Variants in SYNE3 observed in about 807,000 individuals in gnomAD.
SYNE3 encodes the protein nesprin-3.
SYNE3 carries 100 observed loss-of-function variants against 111.2 expected under a neutral mutation model. The observed-to-expected ratio is 0.90, with a 90% CI of 0.77 to 1.06. The LOEUF (loss-of-function observed/expected upper bound fraction) is 1.06, where lower values mean the gene tolerates loss of function less well. SYNE3 is among the 50% of genes least tolerant of loss of function. The pLI, the probability that SYNE3 is intolerant of heterozygous loss-of-function variation, is 0.00. For synonymous variants in SYNE3, 547 were observed against 533.9 expected (o/e 1.02, Z -0.34); for missense variants, 1,160 against 1,240.3 (o/e 0.94, Z 0.97).
At chr14:95,430,760 G>T (rs1885713726) in intron 17 of SYNE3, among the ~76,000 whole-genome samples, 1 of 150,954 alleles carries the variant, frequency 6.6e-6, no homozygotes, top group Non-Finnish European at 1.5e-5. Flanking sequence ...GGAGGCAGAG[G>T]TTGCAGTGAG....
chr14:95,444,636 G>C lies in SYNE3; in HGVS notation c.1633-8C>G, dbSNP rs202009724. The C allele has an allele frequency of 6.8e-7, 1 of 1,479,420 alleles. No homozygotes were observed. Among genetic ancestry groups the C allele is most frequent in the Non-Finnish European group, 9.2e-7 (1 of 1,082,090 alleles). The allele number at this position is 1,479,420 out of a possible 1,614,324, so 91.6% of individuals were successfully genotyped here. On this transcript the variant is annotated splice_region_variant and splice_polypyrimidine_tract_variant and intron_variant, in intron 9 of 17. Coordinates refer to ENST00000682763, the MANE Select transcript of SYNE3 (RefSeq NM_152592.6). ...GTGCTGAGCGAGCAGGCTCTGCAGA[G>C]ACACAGGACAGTGTGCACATTAAGA...
chr14:95,474,643 T>C (rs553507934), intron 2 of SYNE3, among the ~76,000 whole-genome samples: 1 of 152,314 alleles, frequency 6.6e-6, no homozygotes, highest in South Asian at 2.1e-4. Context: ...GCGGTGACAC[T>C]GAAATCAAAC....
intron 1 of SYNE3, among the ~76,000 whole-genome samples, chr14:95,476,154 C>T (rs1566678887): frequency 6.6e-6 from 1 of 152,236 alleles, no homozygotes. Context: ...ATTCAGATTG[C>T]ACGCTCTCCA....
At chr14:95,448,119 A>T (rs1052559352) in intron 8 of SYNE3, among the ~76,000 whole-genome samples, 1 of 152,270 alleles carries the variant, frequency 6.6e-6, no homozygotes, top group African/African-American at 2.4e-5. Context: ...ATATACAATT[A>T]TAGAACTTGA....
rs141467861 is a variant in SYNE3, at chr14:95,508,474, A to C, written c.-15+8122T>G. On this transcript the variant is annotated intron_variant, in intron 1 of 17. Transcript: ENST00000682763. ...CTTATCTTCTTCTGGTACAGAAGACAGACAATACACTCAACTGCAAATAAT... is the reference window on the plus strand; with the variant it reads ...CTTATCTTCTTCTGGTACAGAAGACCGACAATACACTCAACTGCAAATAAT... Among the ~76,000 whole-genome samples the C allele has an allele frequency of 2.8e-3, 430 of 152,342 alleles. 3 individuals are homozygous for C. Among genetic ancestry groups the C allele is most frequent in the African/African-American group, 9.4e-3 (390 of 41,574 alleles).
Position 95,500,653 on chromosome 14 carries a change from A to ATGATTC in SYNE3, c.-15+15942_-15+15943insGAATCA. Among the ~76,000 whole-genome samples, 1 of 152,080 alleles carries ATGATTC rather than the reference A, an allele frequency of 6.6e-6. No individual in the cohort carries two copies. The highest frequency in any genetic ancestry group is 2.1e-4 in the South Asian group (1 of 4,828). On this transcript the variant is annotated intron_variant, in intron 1 of 17. Transcript: ENST00000682763. This position sits in a 1 kb window ranked among gnomAD's most constrained non-coding sequence, Gnocchi z 4.7. Reference sequence around the variant, plus strand: ...TGCAGCACTTGGAAGCTGAGCAACCACCTTCATGATTCCCGCTGATCCTCT... The same window carrying ATGATTC: ...TGCAGCACTTGGAAGCTGAGCAACCATGATTCCCTTCATGATTCCCGCTGATCCTCT...
intron 1 of SYNE3, among the ~76,000 whole-genome samples, chr14:95,481,262 G>A (rs1445844899): frequency 6.6e-6 from 1 of 152,176 alleles, no homozygotes; most frequent in Admixed American, 6.5e-5. Flanking sequence ...AAATAAAGTT[G>A]AACTTCACCT....
At chr14:95,449,830 G>C in intron 8 of SYNE3, 101 bp downstream of exon 8, 1 of 1,472,730 alleles carries the variant, frequency 6.8e-7, no homozygotes, top group South Asian at 1.4e-5. Flanking sequence ...CCAGATATCC[G>C]GAGGACCCGG....
intron 17 of SYNE3, among the ~76,000 whole-genome samples, chr14:95,420,339 A>C (rs981139143): frequency 2.6e-5 from 4 of 152,186 alleles, no homozygotes; most frequent in African/African-American, 9.7e-5. Context: ...AAAAGGGGCA[A>C]GACAATGAGC....
chr14:95,435,254 TAAG>T lies in SYNE3; in HGVS notation c.2538+1563_2538+1565del, dbSNP rs1209333198. The stretch of plus-strand genomic sequence containing the variant: ...GCTATAAAATAAGAAAAAAAAAAGA[TAAG>T]AAAAATGATAGAGTAGATTATTAAA... On this transcript the variant is annotated intron_variant, in intron 15 of 17. Transcript: ENST00000682763. Among the ~76,000 whole-genome samples, 6 of 150,940 alleles carry T rather than the reference TAAG, an allele frequency of 4.0e-5. No individual in the cohort carries two copies. The East Asian group carries it at 1.2e-3, about 29-fold the overall frequency.
Position 95,422,787 on chromosome 14 carries a change from G to T in SYNE3, c.2728-4761C>A, listed in dbSNP as rs111879633. Reference sequence around the variant, plus strand: ...TCATGAAACCCTCACTGAGCCACGTGTTGGCCTCTGAAGGCCCCTCTGAGC... The same window carrying T: ...TCATGAAACCCTCACTGAGCCACGTTTTGGCCTCTGAAGGCCCCTCTGAGC... On this transcript the variant is annotated intron_variant, in intron 17 of 17. Coordinates refer to ENST00000682763, the MANE Select transcript of SYNE3 (RefSeq NM_152592.6). 1.3e-4 allele frequency among the ~76,000 whole-genome samples: 20 copies of T among 152,370 alleles called. 1 individual carries two copies. The highest frequency in any genetic ancestry group is 4.8e-4 in the African/African-American group (20 of 41,588).
In SYNE3 at chr14:95,485,949, C is replaced by A. The variant is rs1889524919; in HGVS notation, c.-14-10114G>T. ...TTTGGGACAAGGGTCAGGGGAGGGA[C>A]AGAGGTGCAGACAGCAGCCTGCACT... On this transcript the variant is annotated intron_variant, in intron 1 of 17. Transcript: ENST00000682763. This position sits in a 1 kb window ranked among gnomAD's most constrained non-coding sequence, Gnocchi z 4.3. Among the ~76,000 whole-genome samples, 1 of 152,138 alleles carries A rather than the reference C, an allele frequency of 6.6e-6. No homozygotes were observed. Among genetic ancestry groups the A allele is most frequent in the Non-Finnish European group, 1.5e-5 (1 of 68,012 alleles).
At chr14:95,481,189 C>T (rs543271446) in intron 1 of SYNE3, among the ~76,000 whole-genome samples, 13 of 152,352 alleles carry the variant, frequency 8.5e-5, no homozygotes, top group Admixed American at 3.9e-4. Context: ...GTAGTGCTGA[C>T]ATTTAAACCT....
chr14:95,458,521 C>T (rs1331869213), intron 4 of SYNE3, among the ~76,000 whole-genome samples: 2 of 152,200 alleles, frequency 1.3e-5, no homozygotes, highest in Non-Finnish European at 2.9e-5. Flanking sequence ...CTTCTCCAAG[C>T]TCTTCTCACA....
At chr14:95,420,063 T>C (rs990441369) in intron 17 of SYNE3, among the ~76,000 whole-genome samples, 14 of 151,746 alleles carry the variant, frequency 9.2e-5, no homozygotes, top group African/African-American at 3.4e-4. Flanking sequence ...ATGATAACGC[T>C]TAACCCTGTG....
chr14:95,424,923 G>T (rs376479646), intron 17 of SYNE3, among the ~76,000 whole-genome samples: 1 of 152,166 alleles, frequency 6.6e-6, no homozygotes, highest in African/African-American at 2.4e-5. Flanking sequence ...CCAGACAATG[G>T]AATATAATTC....
At chr14:95,444,232 C>T (rs985969019) in intron 10 of SYNE3, 1 of 486,718 alleles carries the variant, frequency 2.1e-6, no homozygotes, top group Non-Finnish European at 3.6e-6. Context: ...CAATGTTAGA[C>T]TTTGGAACTG....
chr14:95,476,909 T>C (rs911798746), intron 1 of SYNE3, among the ~76,000 whole-genome samples: 8 of 152,228 alleles, frequency 5.3e-5, no homozygotes, highest in African/African-American at 1.9e-4. Context: ...AGGGGATTGC[T>C]TAAGTAAGTT....
chr14:95,441,363 C>T (rs1352668683), intron 11 of SYNE3, among the ~76,000 whole-genome samples: 1 of 152,194 alleles, frequency 6.6e-6, no homozygotes, highest in African/African-American at 2.4e-5. Flanking sequence ...AACATTAGAC[C>T]AGACGCCTCC....
Sources: gnomAD v4.1 joint callset for allele counts (sites outside exome capture counted in the v4.1 genomes callset) on GRCh38, gnomAD v4.1.1 for gene constraint, Gnocchi (gnomAD v3.1) non-coding constraint, MANE v1.5 for transcripts, NCBI Gene and HGNC (gene_info 2026-07-23, HGNC 2026-07-21) for gene names.